The following GASK1B variants were observed in gnomAD, a reference collection of about 807,000 sequenced individuals.
GASK1B encodes the protein golgi associated kinase 1B.
Under a neutral mutation model 42.8 loss-of-function variants are expected in GASK1B, and 34 were observed. That is an observed-to-expected ratio of 0.79 (90% CI 0.60 to 1.06). The LOEUF is 1.06. Ranked by LOEUF, GASK1B falls within the 50% of genes least tolerant of loss-of-function variation. The probability of loss-of-function intolerance (pLI) is 0.00; values close to 1 mark genes in which losing one functional copy is unlikely to be tolerated. For synonymous variants in GASK1B, 262 were observed against 259.1 expected (o/e 1.01, Z -0.11); for missense variants, 686 against 661.0 (o/e 1.04, Z -0.42).
intron 2 of GASK1B, chr4:158,169,968 A>AGGGG (rs571962264): frequency 1.6e-5 from 7 of 446,198 alleles, no homozygotes; most frequent in African/African-American, 1.4e-4. Flanking sequence ...TTGAAAAAAA[A>AGGGG]AGGGGGGGTT....
Position 158,171,114 on chromosome 4 carries a change from C to A in GASK1B, c.262G>T (p.Gly88Cys). 1 of 1,607,632 alleles carries A rather than the reference C, an allele frequency of 6.2e-7. No individual in the cohort carries two copies. The highest frequency in any genetic ancestry group is 8.5e-7 in the Non-Finnish European group (1 of 1,175,154). ...TGGGACTCTGGAGGGGCCAGGGTAC[C>A]ATCCAGGGGTATCTCAGGGAAGGAT... ...EPSFPEIPLD[G>C]TLAPPESQGN... The change falls in exon 2 of 5, where the codon GGT (glycine) becomes TGT (cysteine). Residue 88 changes from glycine (G) to cysteine (C), a missense_variant. By Grantham distance (159) the Gly-to-Cys change is radical (BLOSUM62 -3). Transcript: ENST00000585682.
chr4:158,157,940 C>T (rs1446186416), intron 2 of GASK1B, among the ~76,000 whole-genome samples: 1 of 151,992 alleles, frequency 6.6e-6, no homozygotes, highest in Non-Finnish European at 1.5e-5. Context: ...ATAACCTCAT[C>T]TCCCAGTAAT....
chr4:158,137,866 G>A (rs530957188), intron 3 of GASK1B, among the ~76,000 whole-genome samples: 5 of 152,328 alleles, frequency 3.3e-5, no homozygotes, highest in African/African-American at 1.2e-4. Flanking sequence ...AGCAGTTGAT[G>A]AATGAAGAGA....
At chr4:158,134,878 C>A (rs996544473) in intron 3 of GASK1B, among the ~76,000 whole-genome samples, 7 of 152,104 alleles carry the variant, frequency 4.6e-5, no homozygotes, top group African/African-American at 1.7e-4. Context: ...TCTGCAGAAA[C>A]CTAAAGATGT....
chr4:158,147,543 C>T (rs1375198335), intron 3 of GASK1B, among the ~76,000 whole-genome samples: 1 of 149,826 alleles, frequency 6.7e-6, no homozygotes, highest in Non-Finnish European at 1.5e-5. Context: ...ACTGAGGCTG[C>T]AGTGAGCTAT....
intron 3 of GASK1B, among the ~76,000 whole-genome samples, chr4:158,154,880 ATAAAAGACTACACATTGGG>A (rs1297837047): frequency 6.6e-6 from 1 of 152,288 alleles, no homozygotes; most frequent in East Asian, 1.9e-4. Context: ...AGAGTGAGGG[ATAAAAGACTACACATTGGG>A]TACAGTGTAC....
chr4:158,151,283 T>C (rs1462397996), intron 3 of GASK1B, among the ~76,000 whole-genome samples: 1 of 151,932 alleles, frequency 6.6e-6, no homozygotes, highest in East Asian at 1.9e-4. Flanking sequence ...TCATGAAAAA[T>C]TTGCGATAAA....
intron 2 of GASK1B, chr4:158,168,525 A>G (rs1732317979): frequency 6.6e-6 from 1 of 152,168 alleles, no homozygotes; most frequent in African/African-American, 2.4e-5. Flanking sequence ...TCTTGTGGCA[A>G]ATACTGGTTC....
At chr4:158,166,272 A>G (rs116561176) in intron 2 of GASK1B, among the ~76,000 whole-genome samples, 1 of 152,250 alleles carries the variant, frequency 6.6e-6, no homozygotes, top group South Asian at 2.1e-4. Context: ...AAGAAGAATC[A>G]TCTAGAACTC....
Position 158,127,209 on chromosome 4 carries a change from GTAGT to G in GASK1B, c.*194_*197del. ...AAAAATATAAACAAATATTTCTCAA[GTAGT>G]TTGTTTTTCAAAACCTTTTTAAGTA... On this transcript the variant is annotated 3_prime_UTR_variant, in exon 5 of 5. Coordinates refer to ENST00000585682, the MANE Select transcript of GASK1B (RefSeq NM_001128424.2). The G allele has an allele frequency of 2.3e-6, 1 of 426,150 alleles. No individual in the cohort carries two copies. 26.4% of individuals were successfully genotyped at this position (426,150 alleles called of 1,614,324 possible). A position where few individuals can be genotyped will look rare whatever the true frequency, so the allele number is the denominator to read the frequency against.
In GASK1B at chr4:158,171,467, G is replaced by A; in HGVS notation, c.-92C>T. 7.2e-6 allele frequency: 10 copies of A among 1,395,698 alleles called. No individual in the cohort carries two copies. The highest frequency in any genetic ancestry group is 2.4e-5 in the East Asian group (1 of 41,010). The allele number at this position is 1,395,698 out of a possible 1,614,324, so 86.5% of individuals were successfully genotyped here. ...ATGGTTTCCTGACTTCAGCTGCCGC[G>A]TCCGCTTCGGGATATAAGTGGTCTC... On this transcript the variant is annotated 5_prime_UTR_variant, in exon 2 of 5. In the 5' UTR this introduces an upstream ATG that the reference lacks. Coordinates refer to ENST00000585682, the MANE Select transcript of GASK1B (RefSeq NM_001128424.2).
Position 158,171,884 on chromosome 4 carries a change from G to A in GASK1B, c.-224-285C>T, listed in dbSNP as rs1489419880. On this transcript the variant is annotated intron_variant, in intron 1 of 4. Coordinates refer to ENST00000585682, the MANE Select transcript of GASK1B (RefSeq NM_001128424.2). ...AAGCGTTAAAATGTGACAAACCTGG[G>A]CTTTTCCTTTTTGAAATTCAGAAAG... Among the ~76,000 whole-genome samples, 3 of 152,180 alleles carry A rather than the reference G, an allele frequency of 2.0e-5. No individual in the cohort carries two copies. The East Asian group carries it at 5.8e-4, about 29-fold the overall frequency.
At chr4:158,144,646 A>G (rs1374156632) in intron 3 of GASK1B, among the ~76,000 whole-genome samples, 4 of 152,142 alleles carry the variant, frequency 2.6e-5, no homozygotes, top group Non-Finnish European at 5.9e-5. Flanking sequence ...AAGCAGAAAT[A>G]CATTGTTCTC....
At chr4:158,152,231 C>T (rs115452033) in intron 3 of GASK1B, among the ~76,000 whole-genome samples, 25 of 152,254 alleles carry the variant, frequency 1.6e-4, no homozygotes, top group Non-Finnish European at 1.9e-4. Context: ...AGCTTGCAGG[C>T]GGCCTACTGT....
intron 3 of GASK1B, among the ~76,000 whole-genome samples, chr4:158,135,229 G>C (rs1379482811): frequency 6.7e-6 from 1 of 149,194 alleles, no homozygotes; most frequent in Non-Finnish European, 1.5e-5. Flanking sequence ...GCTGAGGCAG[G>C]AGAATCACTT....
Position 158,124,682 on chromosome 4 carries a change from T to C in GASK1B, c.*2725A>G, listed in dbSNP as rs1443572626. ...AGGCTATGATTACAAGTCCAAAGATTACAAATATAATGATGATATCAAATA... is the reference window on the plus strand; with the variant it reads ...AGGCTATGATTACAAGTCCAAAGATCACAAATATAATGATGATATCAAATA... On this transcript the variant is annotated 3_prime_UTR_variant, in exon 5 of 5. Transcript: ENST00000585682. 6.6e-6 allele frequency: 1 copy of C among 152,270 alleles called. No individual in the cohort carries two copies. Among genetic ancestry groups the C allele is most frequent in the Middle Eastern group, 3.4e-3 (1 of 294 alleles). The allele number at this position is 152,270 out of a possible 1,614,324, so 9.4% of individuals were successfully genotyped here.
At chr4:158,154,721 T>C (rs1310920318) in intron 3 of GASK1B, among the ~76,000 whole-genome samples, 2 of 152,136 alleles carry the variant, frequency 1.3e-5, no homozygotes, top group South Asian at 2.1e-4. Flanking sequence ...CTGGATAAAA[T>C]TGGAGACCAT....
chr4:158,156,421 G>T (rs1731762383), intron 2 of GASK1B, among the ~76,000 whole-genome samples: 1 of 152,170 alleles, frequency 6.6e-6, no homozygotes, highest in East Asian at 1.9e-4. Flanking sequence ...AGTGCTCTTG[G>T]TAAGGGATCA....
rs1413837338 is a variant in GASK1B at position 158,170,775 on chromosome 4, T to C, written c.601A>G (p.Arg201Gly). The C allele has an allele frequency of 6.2e-7, 1 of 1,614,228 alleles. No homozygotes were observed. Among genetic ancestry groups the C allele is most frequent in the Non-Finnish European group, 8.5e-7 (1 of 1,180,020 alleles). Residue 201 changes from arginine to glycine, a missense_variant, in exon 2 of 5, where the codon AGG becomes GGG. By Grantham distance (125) the Arg-to-Gly change is moderately radical. Transcript: ENST00000585682. ...CTGTAGATCCTAATGTTGCTCTCCC[T>C]GGAGCTGGGCTGCAGGAAGTCTGGG... Reference protein sequence around the residue: ...GGPDFLQPSSRESNIRIYSES... With the variant: ...GGPDFLQPSSGESNIRIYSES...
Sources: gnomAD v4.1 joint callset for allele counts (sites outside exome capture counted in the v4.1 genomes callset) on GRCh38, gnomAD v4.1.1 for gene constraint, MANE v1.5 for transcripts, NCBI Gene and HGNC (gene_info 2026-07-23, HGNC 2026-07-21) for gene names.